The following CDK14 variants were observed in gnomAD, a reference collection of about 807,000 sequenced individuals.
The protein encoded by CDK14 is cyclin dependent kinase 14, also known as cyclin-dependent kinase 14.
Under a neutral mutation model 60.7 loss-of-function variants are expected in CDK14, and 34 were observed. The observed-to-expected ratio is 0.56, with a 90% confidence interval of 0.43 to 0.75. CDK14 has a LOEUF of 0.75. Ranked by LOEUF, CDK14 falls within the 30% of genes least tolerant of loss-of-function variation. The probability of loss-of-function intolerance (pLI) is 0.00; values close to 1 mark genes in which losing one functional copy is unlikely to be tolerated. For missense variants in CDK14, 482 were observed against 564.1 expected (o/e 0.85, Z 1.47); for synonymous variants, 197 against 203.7 (o/e 0.97, Z 0.28).
At chr7:91,135,533 T>C (rs1054746067) in intron 14 of CDK14, among the ~76,000 whole-genome samples, 5 of 152,148 alleles carry the variant, frequency 3.3e-5, no homozygotes, top group African/African-American at 4.8e-5. Context: ...AAGGGAGCCA[T>C]GTATAGCATT....
At chr7:91,161,767 T>A (rs978014093) in intron 14 of CDK14, among the ~76,000 whole-genome samples, 5 of 152,220 alleles carry the variant, frequency 3.3e-5, no homozygotes, top group Admixed American at 1.3e-4. Context: ...ATAGTTAAAC[T>A]GAATATTAAA....
At chr7:90,725,262 C>T (rs1376509847) in intron 2 of CDK14, among the ~76,000 whole-genome samples, 1 of 152,178 alleles carries the variant, frequency 6.6e-6, no homozygotes, top group Non-Finnish European at 1.5e-5. Flanking sequence ...TTCAATTCCA[C>T]ATGTCTGGAG....
At chr7:90,644,334 A>G (rs1800413465) in intron 2 of CDK14, among the ~76,000 whole-genome samples, 1 of 152,194 alleles carries the variant, frequency 6.6e-6, no homozygotes, top group Admixed American at 6.5e-5. Context: ...CCTAACATAT[A>G]TCCATTTTGG....
chr7:90,835,584 A>G (rs932503349), intron 5 of CDK14, among the ~76,000 whole-genome samples: 1 of 152,182 alleles, frequency 6.6e-6, no homozygotes, highest in Non-Finnish European at 1.5e-5. Flanking sequence ...GGTAAATGTG[A>G]CATGATCCTG....
chr7:90,860,525 C>CTTTT (rs1240085824), intron 5 of CDK14, among the ~76,000 whole-genome samples: 4 of 129,326 alleles, frequency 3.1e-5, no homozygotes. Flanking sequence ...TGTCTCATTC[C>CTTTT]TTTTTTTTTT....
intron 9 of CDK14, among the ~76,000 whole-genome samples, chr7:90,962,502 A>T (rs534040118): frequency 6.6e-6 from 1 of 152,116 alleles, no homozygotes; most frequent in East Asian, 1.9e-4. Context: ...AAAAAAAAAA[A>T]GTCTAGTGTG....
At chr7:90,832,607 T>C (rs1453707085) in intron 5 of CDK14, among the ~76,000 whole-genome samples, 1 of 152,182 alleles carries the variant, frequency 6.6e-6, no homozygotes, top group Non-Finnish European at 1.5e-5. Context: ...GTTTGAATTT[T>C]TAAAAGAGTC....
At chr7:90,910,023 A>G (rs1422098083) in intron 7 of CDK14, among the ~76,000 whole-genome samples, 1 of 152,184 alleles carries the variant, frequency 6.6e-6, no homozygotes. Context: ...TATTGCAAAA[A>G]AATACACGTG....
chr7:91,103,200 C>A (rs1288275713), intron 12 of CDK14, among the ~76,000 whole-genome samples: 1 of 152,048 alleles, frequency 6.6e-6, no homozygotes, highest in East Asian at 1.9e-4. Flanking sequence ...CTGCAGCAAG[C>A]CGAGACCATG....
intron 11 of CDK14, among the ~76,000 whole-genome samples, chr7:91,049,146 TGCTGGGATTACAG>T (rs1309760716): frequency 2.6e-5 from 4 of 152,164 alleles, no homozygotes; most frequent in African/African-American, 4.8e-5. Flanking sequence ...CCTCCCAAAG[TGCTGGGATTACAG>T]GCGTGAGCCG....
At chr7:90,966,987 T>C (rs1481849868) in intron 9 of CDK14, among the ~76,000 whole-genome samples, 2 of 152,032 alleles carry the variant, frequency 1.3e-5, no homozygotes, top group Non-Finnish European at 2.9e-5. Context: ...ACTGACACTT[T>C]GGTCACTTGG....
intron 2 of CDK14, among the ~76,000 whole-genome samples, chr7:90,663,201 A>T (rs1563035580): frequency 6.6e-6 from 1 of 152,064 alleles, no homozygotes. Context: ...ATCTCTCTCC[A>T]TATAAAAAAT....
intron 9 of CDK14, among the ~76,000 whole-genome samples, chr7:90,983,622 G>A (rs1480610429): frequency 2.0e-5 from 3 of 151,454 alleles, no homozygotes; most frequent in Non-Finnish European, 4.4e-5. Context: ...AGAGCTTGCA[G>A]TGAGCAGAGA....
intron 10 of CDK14, among the ~76,000 whole-genome samples, chr7:90,999,916 G>C (rs1795795062): frequency 1.3e-5 from 2 of 152,098 alleles, no homozygotes; most frequent in Admixed American, 1.3e-4. Flanking sequence ...TAACTGTTCT[G>C]TCTCAGCCAC....
At chr7:90,711,682 A>C (rs1244714381) in intron 2 of CDK14, among the ~76,000 whole-genome samples, 1 of 152,098 alleles carries the variant, frequency 6.6e-6, no homozygotes, top group Non-Finnish European at 1.5e-5. Flanking sequence ...CATTTTCCTG[A>C]AGAAGCTTAG....
intron 9 of CDK14, among the ~76,000 whole-genome samples, chr7:90,970,971 G>T (rs983241836): frequency 2.6e-5 from 4 of 151,896 alleles, no homozygotes; most frequent in African/African-American, 9.7e-5. Flanking sequence ...GGGTACATGT[G>T]CACAACGTGC....
At chr7:91,020,177 A>G (rs563126589) in intron 10 of CDK14, among the ~76,000 whole-genome samples, 2 of 152,290 alleles carry the variant, frequency 1.3e-5, no homozygotes, top group East Asian at 3.9e-4. Flanking sequence ...TCCATTGACC[A>G]ATCAAGTCAA....
chr7:91,156,927 T>C (rs1256727714), intron 14 of CDK14, among the ~76,000 whole-genome samples: 2 of 152,218 alleles, frequency 1.3e-5, no homozygotes, highest in Non-Finnish European at 1.5e-5. Flanking sequence ...TTCACTTGGA[T>C]GATACAACTA....
chr7:90,756,713 A>G (rs1584861361), intron 4 of CDK14, among the ~76,000 whole-genome samples: 1 of 152,174 alleles, frequency 6.6e-6, no homozygotes, highest in South Asian at 2.1e-4. Flanking sequence ...ATATAATTTA[A>G]ATAGCCAACT....
Sources: allele counts gnomAD v4.1 joint callset (sites outside exome capture counted in the v4.1 genomes callset), GRCh38; gene constraint gnomAD v4.1.1; transcripts MANE v1.5; gene names NCBI Gene and HGNC (gene_info 2026-07-23, HGNC 2026-07-21).